SLC24A2: variants seen among roughly 807,000 people sequenced by gnomAD.
The protein encoded by SLC24A2 is solute carrier family 24 member 2.
In SLC24A2, 36 loss-of-function variants were observed where a neutral mutation model predicts 62.0. The ratio of observed to expected loss-of-function variants is 0.58; its 90% CI spans 0.44 to 0.77. The LOEUF (loss-of-function observed/expected upper bound fraction) is 0.77. SLC24A2 is among the 30% of genes least tolerant of loss of function. The pLI is 0.00. For synonymous variants in SLC24A2, 358 were observed against 294.0 expected (o/e 1.22, Z -2.23); for missense variants, 846 against 817.9 (o/e 1.03, Z -0.42).
At chr9:19,616,911 A>G (rs572776360) in intron 4 of SLC24A2, among the ~76,000 whole-genome samples, 2 of 152,120 alleles carry the variant, frequency 1.3e-5, no homozygotes, top group African/African-American at 4.8e-5. Context: ...GGGTGGGGGA[A>G]AGGAAAATAT....
chr9:20,057,761 T>C, the SLC24A2 span, among the ~76,000 whole-genome samples: 1 of 152,222 alleles, frequency 6.6e-6, no homozygotes, highest in Non-Finnish European at 1.5e-5. Flanking sequence ...ATTACACTTT[T>C]CAAAGCACAT....
At chr9:20,174,508 GAA>G in the SLC24A2 span, among the ~76,000 whole-genome samples, 4 of 147,604 alleles carry the variant, frequency 2.7e-5, no homozygotes, top group African/African-American at 7.4e-5. Context: ...AAATTAGCAA[GAA>G]AAAAAAAATC....
At chr9:19,649,881 G>A (rs1022789176) in intron 2 of SLC24A2, among the ~76,000 whole-genome samples, 8 of 152,222 alleles carry the variant, frequency 5.3e-5, no homozygotes, top group African/African-American at 1.9e-4. Flanking sequence ...ATTCAGAGCA[G>A]TATGAATTTG....
chr9:19,933,226 TGCTAA>T, the SLC24A2 span, among the ~76,000 whole-genome samples: 1 of 152,328 alleles, frequency 6.6e-6, no homozygotes, highest in Admixed American at 6.5e-5. Context: ...GAGTAAGGCA[TGCTAA>T]GGTACCCCTC....
chr9:19,830,300 A>G, the SLC24A2 span, among the ~76,000 whole-genome samples: 1 of 152,244 alleles, frequency 6.6e-6, no homozygotes, highest in Non-Finnish European at 1.5e-5. Flanking sequence ...AAAACTCCTC[A>G]GGAATCTGGG....
the SLC24A2 span, among the ~76,000 whole-genome samples, chr9:20,206,881 T>G: frequency 6.7e-6 from 1 of 148,506 alleles, no homozygotes; most frequent in Admixed American, 6.7e-5. Flanking sequence ...AAAACTAAGT[T>G]GGGGGGGGCG....
the SLC24A2 span, among the ~76,000 whole-genome samples, chr9:20,004,520 G>A: frequency 2.6e-5 from 4 of 152,212 alleles, no homozygotes; most frequent in Non-Finnish European, 5.9e-5. Flanking sequence ...ATTTGTGTAT[G>A]AGACTACCTG....
At chr9:20,285,203 C>T in the SLC24A2 span, among the ~76,000 whole-genome samples, 1 of 152,098 alleles carries the variant, frequency 6.6e-6, no homozygotes, top group South Asian at 2.1e-4. Context: ...TGTTGAAGTC[C>T]TAACATCCAA....
intron 8 of SLC24A2, among the ~76,000 whole-genome samples, chr9:19,548,493 C>A (rs985105286): frequency 2.0e-5 from 3 of 152,126 alleles, no homozygotes; most frequent in Admixed American, 6.5e-5. Context: ...TACTGTGGAC[C>A]AATAACTCAA....
the SLC24A2 span, among the ~76,000 whole-genome samples, chr9:20,283,472 G>C: frequency 6.6e-6 from 1 of 152,140 alleles, no homozygotes; most frequent in African/African-American, 2.4e-5. Context: ...TCCAGACCTA[G>C]AAGCAGCAAA....
At chr9:20,184,179 T>C in the SLC24A2 span, among the ~76,000 whole-genome samples, 1 of 152,242 alleles carries the variant, frequency 6.6e-6, no homozygotes, top group Non-Finnish European at 1.5e-5. Flanking sequence ...CTCAGCCACA[T>C]TAATTATCAC....
At chr9:19,619,727 G>C in intron 3 of SLC24A2, 35 bp from the exon 4 acceptor site, 1 of 1,502,728 alleles carries the variant, frequency 6.7e-7, no homozygotes, top group Non-Finnish European at 9.3e-7. Flanking sequence ...GTTAGTCTCA[G>C]GAATGAAAGA....
chr9:19,742,308 A>G (rs1821703794), intron 2 of SLC24A2, among the ~76,000 whole-genome samples: 1 of 152,218 alleles, frequency 6.6e-6, no homozygotes, highest in Non-Finnish European at 1.5e-5. Context: ...GTATTATCCT[A>G]AGGAAATAAT....
intron 2 of SLC24A2, among the ~76,000 whole-genome samples, chr9:19,637,324 T>G (rs1681810649): frequency 6.6e-6 from 1 of 152,270 alleles, no homozygotes; most frequent in African/African-American, 2.4e-5. Flanking sequence ...GCCGGAGGTC[T>G]GCCCTGGGCA....
intron 8 of SLC24A2, among the ~76,000 whole-genome samples, chr9:19,543,241 G>A (rs181067672): frequency 1.1e-4 from 16 of 152,230 alleles, no homozygotes; most frequent in Non-Finnish European, 1.5e-4. Context: ...ATTCTCTGAT[G>A]GTAGTTTGTA....
chr9:19,576,864 C>G (rs1415685395), intron 6 of SLC24A2, 60 bp downstream of exon 6: 2 of 1,304,450 alleles, frequency 1.5e-6, no homozygotes, highest in African/African-American at 2.9e-5. Context: ...CTGGTCCTGA[C>G]TCTCTGCTCC....
the SLC24A2 span, among the ~76,000 whole-genome samples, chr9:20,271,433 A>ATGC: frequency 3.3e-5 from 5 of 152,130 alleles, no homozygotes; most frequent in Admixed American, 6.6e-5. Context: ...TGCCAGATAT[A>ATGC]TGCTGCTGCT....
At chr9:19,551,285 C>A (rs767766027) in intron 7 of SLC24A2, among the ~76,000 whole-genome samples, 2 of 152,176 alleles carry the variant, frequency 1.3e-5, no homozygotes, top group East Asian at 1.9e-4. Context: ...TGAACCTGCA[C>A]GGGGTGTCGG....
At chr9:19,722,620 T>C (rs1203818214) in intron 2 of SLC24A2, among the ~76,000 whole-genome samples, 2 of 150,420 alleles carry the variant, frequency 1.3e-5, no homozygotes, top group Non-Finnish European at 3.0e-5. Flanking sequence ...CACAGGCATG[T>C]GAATTAGGTT....
Sources: gnomAD v4.1 joint callset for allele counts (sites outside exome capture counted in the v4.1 genomes callset) on GRCh38, gnomAD v4.1.1 for gene constraint, MANE v1.5 for transcripts, NCBI Gene and HGNC (gene_info 2026-07-23, HGNC 2026-07-21) for gene names.